Variants in KCNN2 observed in about 807,000 individuals in gnomAD.
KCNN2 encodes the protein potassium calcium-activated channel subfamily N member 2.
KCNN2 carries 24 observed loss-of-function variants against 55.5 expected under a neutral mutation model. That is an observed-to-expected ratio of 0.43 (90% CI 0.31 to 0.61). KCNN2 has a LOEUF of 0.61. Ranked by LOEUF, KCNN2 falls within the 20% of genes least tolerant of loss-of-function variation. The pLI is 0.08. For missense variants in KCNN2, 754 were observed against 853.6 expected (o/e 0.88, Z 1.45); for synonymous variants, 431 against 336.1 (o/e 1.28, Z -3.09).
At chr5:114,319,231 C>G (rs992955036) in intron 2 of KCNN2, among the ~76,000 whole-genome samples, 1 of 152,206 alleles carries the variant, frequency 6.6e-6, no homozygotes, top group African/African-American at 2.4e-5. Context: ...CTGGTCTTAT[C>G]TGCACACTGA....
intron 1 of KCNN2, among the ~76,000 whole-genome samples, chr5:114,135,713 C>T (rs1752161653): frequency 6.6e-6 from 1 of 152,070 alleles, no homozygotes; most frequent in South Asian, 2.1e-4. Flanking sequence ...ATGTTAAATA[C>T]AGAAATTAAA....
intron 2 of KCNN2, among the ~76,000 whole-genome samples, chr5:114,305,174 G>C (rs183280843): frequency 2.4e-3 from 363 of 152,304 alleles, no homozygotes; most frequent in Non-Finnish European, 2.6e-3. Context: ...ATCGTGTTTG[G>C]TAGGGGCAGG....
chr5:114,100,083 G>A (rs566744287), intron 1 of KCNN2, among the ~76,000 whole-genome samples: 1 of 151,852 alleles, frequency 6.6e-6, no homozygotes, highest in Non-Finnish European at 1.5e-5. Flanking sequence ...TTAATTACAA[G>A]CAGTGGATGA....
chr5:114,305,462 A>G (rs1337589333), intron 2 of KCNN2, among the ~76,000 whole-genome samples: 1 of 152,166 alleles, frequency 6.6e-6, no homozygotes, highest in Non-Finnish European at 1.5e-5. Flanking sequence ...CAAGAGAAAT[A>G]AACCTCCAGG....
chr5:114,331,698 TTC>T (rs1325138897), intron 2 of KCNN2, among the ~76,000 whole-genome samples: 1 of 152,256 alleles, frequency 6.6e-6, no homozygotes, highest in Admixed American at 6.5e-5. Context: ...ACCAAGTATG[TTC>T]TCTATAAACA....
chr5:114,379,691 T>C (rs1482964654), intron 2 of KCNN2, among the ~76,000 whole-genome samples: 4 of 109,790 alleles, frequency 3.6e-5, no homozygotes, highest in African/African-American at 9.0e-5. Flanking sequence ...TAACATATTA[T>C]ATATTTATAG....
intron 1 of KCNN2, among the ~76,000 whole-genome samples, chr5:114,122,836 C>T (rs577864180): frequency 2.0e-5 from 3 of 152,318 alleles, no homozygotes; most frequent in African/African-American, 7.2e-5. Context: ...AGAGAAATCA[C>T]CCCTGGGATG....
intron 2 of KCNN2, among the ~76,000 whole-genome samples, chr5:114,307,001 A>G (rs61185122): frequency 0.021 from 3,127 of 152,058 alleles, 122 homozygotes; most frequent in African/African-American, 0.072. Context: ...ACTTTAATAA[A>G]GGGGCTTTAA....
chr5:114,465,902 A>G (rs1183747454), intron 4 of KCNN2, among the ~76,000 whole-genome samples: 6 of 152,188 alleles, frequency 3.9e-5, no homozygotes, highest in Non-Finnish European at 7.3e-5. Context: ...CTCTTCTTCT[A>G]GACTAAGCAG....
At chr5:114,139,392 G>A (rs530530423) in intron 1 of KCNN2, among the ~76,000 whole-genome samples, 1 of 151,422 alleles carries the variant, frequency 6.6e-6, no homozygotes, top group Non-Finnish European at 1.5e-5. Context: ...AATTGGTCTG[G>A]CTTCCTCTCC....
chr5:114,308,499 G>T (rs1216258850), intron 2 of KCNN2, among the ~76,000 whole-genome samples: 2 of 152,168 alleles, frequency 1.3e-5, no homozygotes, highest in African/African-American at 4.8e-5. Context: ...TAGCCTCACG[G>T]TCATTTATTC....
At chr5:114,151,394 T>A (rs1302561497) in intron 1 of KCNN2, among the ~76,000 whole-genome samples, 2 of 152,112 alleles carry the variant, frequency 1.3e-5, no homozygotes, top group Non-Finnish European at 2.9e-5. Flanking sequence ...GTCCTGCCAC[T>A]CCAGCTCCCT....
chr5:114,411,516 C>T (rs559227696), intron 3 of KCNN2, among the ~76,000 whole-genome samples: 47 of 152,238 alleles, frequency 3.1e-4, no homozygotes, highest in African/African-American at 1.1e-3. Flanking sequence ...TGGTGCAACT[C>T]TCAGTCCAAA....
At chr5:114,363,327 CG>C in intron 1 of KCNN2, 66 bp downstream of exon 1, 1 of 1,467,360 alleles carries the variant, frequency 6.8e-7, no homozygotes, top group Non-Finnish European at 9.0e-7. Context: ...TGGGCACTGG[CG>C]GGGACCCTTT....
intron 2 of KCNN2, among the ~76,000 whole-genome samples, chr5:114,243,628 G>A (rs1754688701): frequency 6.6e-6 from 1 of 152,058 alleles, no homozygotes; most frequent in Non-Finnish European, 1.5e-5. Context: ...CTGGCATATT[G>A]TTATCATTCT....
At chr5:114,439,735 T>G (rs1760140020) in intron 3 of KCNN2, among the ~76,000 whole-genome samples, 1 of 152,048 alleles carries the variant, frequency 6.6e-6, no homozygotes, top group African/African-American at 2.4e-5. Flanking sequence ...AATAAAAGAA[T>G]AGACTAAATA....
At chr5:114,221,697 T>A (rs779324729) in intron 2 of KCNN2, among the ~76,000 whole-genome samples, 3 of 152,216 alleles carry the variant, frequency 2.0e-5, no homozygotes, top group Non-Finnish European at 4.4e-5. Context: ...CTATTTTCAA[T>A]TTAGTGATTC....
chr5:114,249,308 G>A (rs946117734), intron 2 of KCNN2, among the ~76,000 whole-genome samples: 1 of 148,704 alleles, frequency 6.7e-6, no homozygotes, highest in Non-Finnish European at 1.5e-5. Context: ...TAATGAGAGG[G>A]AATCTGGCTC....
At chr5:114,393,547 A>G (rs1218053843) in intron 2 of KCNN2, among the ~76,000 whole-genome samples, 1 of 151,918 alleles carries the variant, frequency 6.6e-6, no homozygotes, top group East Asian at 1.9e-4. Context: ...TTTATTATTA[A>G]CTAACTTATA....
Sources: allele counts gnomAD v4.1 joint callset (sites outside exome capture counted in the v4.1 genomes callset), GRCh38; gene constraint gnomAD v4.1.1; transcripts MANE v1.5; gene names NCBI Gene and HGNC (gene_info 2026-07-23, HGNC 2026-07-21).